The following GRM7 variants were observed in gnomAD, a reference collection of about 807,000 sequenced individuals.
The protein encoded by GRM7 is glutamate metabotropic receptor 7, also known as metabotropic glutamate receptor 7.
GRM7 carries 35 observed loss-of-function variants against 84.5 expected under a neutral mutation model. That is an observed-to-expected ratio of 0.41 (90% CI 0.32 to 0.55). The LOEUF (loss-of-function observed/expected upper bound fraction) is 0.55. GRM7 is among the 20% of genes least tolerant of loss of function. The pLI is 0.19. For synonymous variants in GRM7, 487 were observed against 455.1 expected (o/e 1.07, Z -0.89); for missense variants, 1,003 against 1,194.6 (o/e 0.84, Z 2.36).
intron 8 of GRM7, among the ~76,000 whole-genome samples, chr3:7,664,586 G>A (rs1247785182): frequency 6.6e-5 from 10 of 152,166 alleles, no homozygotes; most frequent in Non-Finnish European, 7.3e-5. Context: ...AGGTATACAC[G>A]TGCAATGGTG....
chr3:7,591,573 G>C (rs1349818490), intron 8 of GRM7: 2 of 390,800 alleles, frequency 5.1e-6, no homozygotes, highest in South Asian at 3.9e-5. Flanking sequence ...CAAAGATAGA[G>C]GTACCAGAAT....
intron 7 of GRM7, among the ~76,000 whole-genome samples, chr3:7,478,680 T>A (rs144963972): frequency 6.6e-6 from 1 of 151,700 alleles, no homozygotes; most frequent in Non-Finnish European, 1.5e-5. Context: ...CAGGGAAAGG[T>A]TGGGTATGTA....
intron 5 of GRM7, among the ~76,000 whole-genome samples, chr3:7,451,133 C>A (rs969446712): frequency 6.6e-6 from 1 of 152,164 alleles, no homozygotes; most frequent in Non-Finnish European, 1.5e-5. Flanking sequence ...AAGTGAAATG[C>A]AATTTGTGGA....
chr3:7,697,325 T>C (rs113976716), intron 9 of GRM7, among the ~76,000 whole-genome samples: 2 of 152,288 alleles, frequency 1.3e-5, no homozygotes, highest in African/African-American at 4.8e-5. Flanking sequence ...AGCATCTTTT[T>C]TTTATCTTCA....
chr3:7,416,194 G>T (rs1476911822), intron 5 of GRM7, among the ~76,000 whole-genome samples: 1 of 152,068 alleles, frequency 6.6e-6, no homozygotes, highest in African/African-American at 2.4e-5. Context: ...AGATGGTCCA[G>T]AACTAAGTCA....
chr3:7,656,422 G>A (rs577106918), intron 8 of GRM7, among the ~76,000 whole-genome samples: 1 of 152,106 alleles, frequency 6.6e-6, no homozygotes, highest in South Asian at 2.1e-4. Context: ...CTTGAACCCA[G>A]GAGGTGGAGA....
At chr3:7,104,441 C>G (rs1213467355) in intron 1 of GRM7, among the ~76,000 whole-genome samples, 2 of 151,686 alleles carry the variant, frequency 1.3e-5, no homozygotes, top group African/African-American at 4.8e-5. Context: ...CTAAGACACT[C>G]CACTTCCATA....
chr3:7,444,702 C>G (rs1382586728), intron 5 of GRM7, among the ~76,000 whole-genome samples: 1 of 152,096 alleles, frequency 6.6e-6, no homozygotes, highest in African/African-American at 2.4e-5. Flanking sequence ...CCCCACCATC[C>G]ACCCCCTGCT....
chr3:7,182,084 C>G (rs1288716558), intron 2 of GRM7, among the ~76,000 whole-genome samples: 1 of 152,026 alleles, frequency 6.6e-6, no homozygotes, highest in Non-Finnish European at 1.5e-5. Context: ...GGTCTTGTTC[C>G]TCTTATAACT....
At chr3:7,321,077 A>T (rs1031863697) in intron 4 of GRM7, among the ~76,000 whole-genome samples, 1 of 151,990 alleles carries the variant, frequency 6.6e-6, no homozygotes, top group African/African-American at 2.4e-5. Context: ...AGTCCCCTAG[A>T]TGAGCTTTCA....
chr3:7,211,184 T>C (rs1696414585), intron 2 of GRM7, among the ~76,000 whole-genome samples: 1 of 152,234 alleles, frequency 6.6e-6, no homozygotes, highest in African/African-American at 2.4e-5. Flanking sequence ...TTAAAATATA[T>C]GTATGATTTG....
At chr3:7,438,556 A>T (rs965495394) in intron 5 of GRM7, among the ~76,000 whole-genome samples, 20 of 152,246 alleles carry the variant, frequency 1.3e-4, no homozygotes, top group African/African-American at 4.6e-4. Flanking sequence ...GGCAAATAAC[A>T]TAGAGAAACA....
chr3:7,204,761 C>A (rs896728988), intron 2 of GRM7, among the ~76,000 whole-genome samples: 1 of 152,194 alleles, frequency 6.6e-6, no homozygotes, highest in Admixed American at 6.5e-5. Context: ...GGGAAAATAC[C>A]GGATCCAGTA....
chr3:6,878,619 A>C (rs235445), intron 1 of GRM7, among the ~76,000 whole-genome samples: 1 of 151,806 alleles, frequency 6.6e-6, no homozygotes, highest in African/African-American at 2.4e-5. Context: ...AAATGGACCA[A>C]TACATCACGC....
chr3:7,345,343 C>T (rs1054277956), intron 4 of GRM7, among the ~76,000 whole-genome samples: 1 of 150,600 alleles, frequency 6.6e-6, no homozygotes, highest in Non-Finnish European at 1.5e-5. Context: ...GGTGGGATTT[C>T]GGCTCACTGC....
At chr3:7,555,537 A>C (rs1404186396) in intron 7 of GRM7, among the ~76,000 whole-genome samples, 1 of 152,228 alleles carries the variant, frequency 6.6e-6, no homozygotes, top group Non-Finnish European at 1.5e-5. Context: ...TTCAACTACA[A>C]GCTATTCTTC....
At chr3:7,653,130 C>T (rs1191366244) in intron 8 of GRM7, among the ~76,000 whole-genome samples, 1 of 150,492 alleles carries the variant, frequency 6.6e-6, no homozygotes, top group African/African-American at 2.5e-5. Flanking sequence ...ATCTCCTTAG[C>T]CTGCTTTGTG....
chr3:7,456,655 G>T (rs779723), intron 6 of GRM7, among the ~76,000 whole-genome samples: 35,783 of 150,038 alleles, frequency 0.24, 4,408 homozygotes, highest in Admixed American at 0.33. Context: ...TAGATCTGAG[G>T]TTGCATGGGA....
chr3:7,392,469 T>C (rs1253365408), intron 4 of GRM7, among the ~76,000 whole-genome samples: 1 of 152,200 alleles, frequency 6.6e-6, no homozygotes, highest in Non-Finnish European at 1.5e-5. Context: ...CTGTGGCCAC[T>C]GCTGCCAGGT....
Sources: gnomAD v4.1 joint callset for allele counts (sites outside exome capture counted in the v4.1 genomes callset) on GRCh38, gnomAD v4.1.1 for gene constraint, MANE v1.5 for transcripts, NCBI Gene and HGNC (gene_info 2026-07-23, HGNC 2026-07-21) for gene names.